The following GARNL3 variants were observed in gnomAD, a reference collection of about 807,000 sequenced individuals.
GARNL3 encodes the protein GTPase activating Rap/RanGAP domain like 3.
A neutral mutation model predicts 125.0 loss-of-function variants in GARNL3; 63 were observed. The ratio of observed to expected loss-of-function variants is 0.50; its 90% CI spans 0.41 to 0.62. The LOEUF (loss-of-function observed/expected upper bound fraction) is 0.62. Among genes scored for constraint, GARNL3 ranks in the 20% least tolerant of loss-of-function variants. The pLI is 0.00. For synonymous variants in GARNL3, 439 were observed against 457.5 expected (o/e 0.96, Z 0.52); for missense variants, 994 against 1,244.0 (o/e 0.80, Z 3.02).
chr9:127,254,833 C>T (rs1418482265), intron 2 of GARNL3, among the ~76,000 whole-genome samples: 1 of 147,088 alleles, frequency 6.8e-6, no homozygotes, highest in Non-Finnish European at 1.5e-5. Flanking sequence ...AGGAGGGGGA[C>T]AAAAGATTTG....
At chr9:127,327,227 G>A (rs1205654274) in intron 7 of GARNL3, among the ~76,000 whole-genome samples, 3 of 152,214 alleles carry the variant, frequency 2.0e-5, no homozygotes, top group Non-Finnish European at 4.4e-5. Context: ...ACATCAGTGA[G>A]CAAGAAAGGT....
chr9:127,332,883 A>C, intron 8 of GARNL3, 140 bp from the exon 9 acceptor site: 3 of 661,376 alleles, frequency 4.5e-6, no homozygotes, highest in Non-Finnish European at 8.2e-6. Flanking sequence ...CTCAAGAAGA[A>C]GGAAATGTGA....
At position 127,354,792 on chromosome 9, in the gene GARNL3, T is replaced by TTTTCC. The variant is rs1011138100; in HGVS notation, c.1759+397_1759+401dup. ...AGGACTTTCTTTCCTTTCCCTTCCT[T>TTTTCC]TTTCCTTTCCTTTCCTTTCGGCAGA... On this transcript the variant is annotated intron_variant, in intron 19 of 27. Coordinates refer to ENST00000373387, the MANE Select transcript of GARNL3 (RefSeq NM_032293.5). Among the ~76,000 whole-genome samples the TTTTCC allele has an allele frequency of 3.9e-5, 6 of 152,290 alleles. 1 individual carries two copies. The South Asian group carries it at 8.3e-4, about 21-fold the overall frequency.
chr9:127,325,195 C>A, intron 7 of GARNL3, 100 bp downstream of exon 7: 1 of 1,179,284 alleles, frequency 8.5e-7, no homozygotes, highest in Non-Finnish European at 1.3e-6. Flanking sequence ...TCAGCCAAAT[C>A]TCCATGTAGA....
intron 2 of GARNL3, 83 bp from the exon 3 acceptor site, chr9:127,311,553 G>T (rs777775273): frequency 8.7e-5 from 82 of 941,004 alleles, no homozygotes; most frequent in Non-Finnish European, 1.4e-4. Context: ...GATTTTTCTG[G>T]TTCTTTGGCC....
chr9:127,376,577 G>GCTTTCTTTCTTTCTTT (rs58810186), intron 22 of GARNL3, among the ~76,000 whole-genome samples: 3 of 151,670 alleles, frequency 2.0e-5, no homozygotes, highest in African/African-American at 7.3e-5. Context: ...ATAGTGGACA[G>GCTTTCTTTCTTTCTTT]CTTTCTTTCT....
chr9:127,271,998 G>A (rs1158259775), intron 1 of GARNL3, among the ~76,000 whole-genome samples: 1 of 150,214 alleles, frequency 6.7e-6, no homozygotes, highest in Non-Finnish European at 1.5e-5. Context: ...ATGAACTCAG[G>A]GTAGCCTCAA....
At chr9:127,377,400 A>G (rs1485042264) in intron 22 of GARNL3, among the ~76,000 whole-genome samples, 2 of 152,238 alleles carry the variant, frequency 1.3e-5, no homozygotes, top group Non-Finnish European at 2.9e-5. Context: ...AAAGTGAAAT[A>G]TAAAAAGTCA....
At chr9:127,263,533 G>T (rs72766226), upstream of GARNL3, 211 of 243,134 alleles carry the variant, frequency 8.7e-4, no homozygotes, top group Non-Finnish European at 1.1e-3. Context: ...AATGGCAGTA[G>T]CCTCCAGGAA....
At chr9:127,299,307 C>CAAAAAA (rs774997294) in intron 2 of GARNL3, among the ~76,000 whole-genome samples, 3 of 22,482 alleles carry the variant, frequency 1.3e-4, no homozygotes, top group Non-Finnish European at 2.4e-4. Flanking sequence ...GACTCCGTCT[C>CAAAAAA]AAAAAAAAAA....
chr9:127,233,947 A>G (rs950709573), intron 1 of GARNL3, among the ~76,000 whole-genome samples: 13 of 152,182 alleles, frequency 8.5e-5, no homozygotes, highest in East Asian at 3.8e-4. Flanking sequence ...TTTGTGAACA[A>G]ATATTTTAAT....
At chr9:127,326,166 A>G (rs371568744) in intron 7 of GARNL3, among the ~76,000 whole-genome samples, 8 of 152,306 alleles carry the variant, frequency 5.3e-5, no homozygotes, top group Middle Eastern at 6.8e-3. Context: ...CTCTGTCTAG[A>G]ATAGTACACC....
chr9:127,314,599 C>A (rs2065187002), intron 4 of GARNL3, among the ~76,000 whole-genome samples: 1 of 144,778 alleles, frequency 6.9e-6, no homozygotes, highest in Non-Finnish European at 1.5e-5. Flanking sequence ...GGGTGGGTTT[C>A]CCCCTTCTTC....
At chr9:127,336,304 C>A (rs1183817456) in intron 11 of GARNL3, 68 bp downstream of exon 11, 4 of 1,024,166 alleles carry the variant, frequency 3.9e-6, no homozygotes, top group Admixed American at 4.2e-5. Flanking sequence ...ACTTCCATGA[C>A]CCTTAAACCA....
intron 17 of GARNL3, 175 bp from the exon 18 acceptor site, chr9:127,353,671 C>A: frequency 1.6e-6 from 1 of 629,650 alleles, no homozygotes. Flanking sequence ...TCTTCCTGAG[C>A]TAGGAGGAGA....
intron 26 of GARNL3, 108 bp from the exon 27 acceptor site, chr9:127,390,533 C>A (rs1225403616): frequency 6.3e-6 from 6 of 952,906 alleles, no homozygotes; most frequent in African/African-American, 4.9e-5. Context: ...TTCTTCCTGA[C>A]TCTAGCACAA....
intron 2 of GARNL3, among the ~76,000 whole-genome samples, chr9:127,250,353 G>A (rs536889924): frequency 3.3e-5 from 5 of 152,290 alleles, no homozygotes; most frequent in East Asian, 1.9e-4. Context: ...AGTCATACAC[G>A]TTTCAAAAGC....
intron 14 of GARNL3, among the ~76,000 whole-genome samples, chr9:127,342,554 G>A (rs1228279806): frequency 6.6e-6 from 1 of 152,134 alleles, no homozygotes; most frequent in East Asian, 1.9e-4. Context: ...TTTCCAGAAA[G>A]CCAGGGCCTG....
At chr9:127,390,928 G>A (rs1274530278) in intron 27 of GARNL3, among the ~76,000 whole-genome samples, 161 bp downstream of exon 27, 1 of 152,190 alleles carries the variant, frequency 6.6e-6, no homozygotes, top group African/African-American at 2.4e-5. Context: ...AGACCCTCAG[G>A]CCTGCCAGGG....
Sources: allele counts gnomAD v4.1 joint callset (sites outside exome capture counted in the v4.1 genomes callset), GRCh38; gene constraint gnomAD v4.1.1; transcripts MANE v1.5; gene names NCBI Gene and HGNC (gene_info 2026-07-23, HGNC 2026-07-21).